Variants in C12orf42 observed in about 807,000 individuals in gnomAD.
The protein encoded by C12orf42 is chromosome 12 open reading frame 42, also known as uncharacterized protein C12orf42.
C12orf42 carries 25 observed loss-of-function variants against 21.6 expected under a neutral mutation model. That is an observed-to-expected ratio of 1.16 (90% CI 0.84 to 1.62). The LOEUF (loss-of-function observed/expected upper bound fraction) is 1.62. C12orf42 is among the 40% of genes most tolerant of loss of function. The pLI is 0.00. For missense variants in C12orf42, 483 were observed against 459.3 expected (o/e 1.05, Z -0.47); for synonymous variants, 174 against 175.0 (o/e 0.99, Z 0.05).
At chr12:103,102,705 A>G in the C12orf42 span, among the ~76,000 whole-genome samples, 1 of 152,238 alleles carries the variant, frequency 6.6e-6, no homozygotes, top group African/African-American at 2.4e-5. Flanking sequence ...CAAATTTAGC[A>G]GCTTAAAACA....
At chr12:103,320,848 C>T (rs1313028214) in intron 4 of C12orf42, among the ~76,000 whole-genome samples, 2 of 152,076 alleles carry the variant, frequency 1.3e-5, no homozygotes, top group Non-Finnish European at 2.9e-5. Context: ...TTGCTGTATC[C>T]TCATTGGACA....
At chr12:103,224,314 A>G in the C12orf42 span, among the ~76,000 whole-genome samples, 2 of 152,172 alleles carry the variant, frequency 1.3e-5, no homozygotes, top group African/African-American at 4.8e-5. Context: ...TATTTCCTTG[A>G]GGATAGATTT....
the C12orf42 span, among the ~76,000 whole-genome samples, chr12:103,139,597 A>AAAAG: frequency 0.015 from 2,300 of 152,116 alleles, 53 homozygotes; most frequent in African/African-American, 0.045. Context: ...ATCTCTTTAA[A>AAAAG]AAAGAAAGAA....
intron 2 of C12orf42, among the ~76,000 whole-genome samples, chr12:103,424,556 C>T (rs1404343108): frequency 6.6e-6 from 1 of 152,164 alleles, no homozygotes; most frequent in African/African-American, 2.4e-5. Context: ...ACACCTCACC[C>T]GGGAAGTGCA....
chr12:103,544,911 C>T, the C12orf42 span, among the ~76,000 whole-genome samples: 1 of 152,156 alleles, frequency 6.6e-6, no homozygotes, highest in Admixed American at 6.5e-5. Flanking sequence ...CACGCTCAAC[C>T]TGTGCAGGAC....
chr12:103,168,514 A>T, the C12orf42 span, among the ~76,000 whole-genome samples: 4 of 152,174 alleles, frequency 2.6e-5, no homozygotes, highest in Non-Finnish European at 4.4e-5. Flanking sequence ...GCTTACACTT[A>T]CATGAAAAAT....
At chr12:103,417,508 A>T (rs2049462370) in intron 2 of C12orf42, among the ~76,000 whole-genome samples, 1 of 152,104 alleles carries the variant, frequency 6.6e-6, no homozygotes, top group Admixed American at 6.6e-5. Context: ...ACCTTTTCAC[A>T]CACCTCATTG....
the C12orf42 span, among the ~76,000 whole-genome samples, chr12:103,520,915 C>T: frequency 2.6e-5 from 4 of 152,196 alleles, no homozygotes; most frequent in African/African-American, 9.7e-5. Context: ...ATTGTGAAGC[C>T]TTCCCCCAAA....
the C12orf42 span, among the ~76,000 whole-genome samples, chr12:103,088,758 C>T: frequency 3.3e-5 from 5 of 152,192 alleles, no homozygotes; most frequent in African/African-American, 7.2e-5. Flanking sequence ...AGTCACCATG[C>T]TGTGAGGACA....
the C12orf42 span, among the ~76,000 whole-genome samples, chr12:103,522,930 C>G: frequency 1.8e-4 from 27 of 152,332 alleles, no homozygotes; most frequent in African/African-American, 6.5e-4. Context: ...AGCCTGGAAA[C>G]AAGTCCCATT....
chr12:103,226,934 C>T, the C12orf42 span, among the ~76,000 whole-genome samples: 6 of 152,150 alleles, frequency 3.9e-5, no homozygotes, highest in African/African-American at 9.7e-5. Context: ...GACCATTTGC[C>T]TATTTTACAA....
At chr12:103,141,689 C>T in the C12orf42 span, among the ~76,000 whole-genome samples, 10 of 152,152 alleles carry the variant, frequency 6.6e-5, no homozygotes, top group South Asian at 2.1e-3. Flanking sequence ...ACCACCACAC[C>T]CAGCTAATTT....
intron 2 of C12orf42, among the ~76,000 whole-genome samples, chr12:103,427,909 A>T (rs1949968936): frequency 6.6e-6 from 1 of 152,204 alleles, no homozygotes. Flanking sequence ...AGAAGTAAGT[A>T]AGTTCTTTGA....
chr12:103,278,295 C>A (rs964110137), intron 4 of C12orf42, among the ~76,000 whole-genome samples: 22 of 152,090 alleles, frequency 1.4e-4, no homozygotes, highest in Non-Finnish European at 2.9e-5. Context: ...TCAAAAGATG[C>A]TTTTAGAAAT....
the C12orf42 span, among the ~76,000 whole-genome samples, chr12:103,143,141 A>G: frequency 6.6e-6 from 1 of 152,224 alleles, no homozygotes; most frequent in Non-Finnish European, 1.5e-5. Flanking sequence ...ATGGGAAAGT[A>G]CTTAAGCAAC....
At chr12:103,096,123 G>T in the C12orf42 span, among the ~76,000 whole-genome samples, 2 of 152,076 alleles carry the variant, frequency 1.3e-5, no homozygotes, top group Non-Finnish European at 2.9e-5. Flanking sequence ...CGTTTCTTTT[G>T]CTAATCTATT....
intron 4 of C12orf42, chr12:103,349,394 T>A (rs1004522250): frequency 6.6e-6 from 1 of 152,090 alleles, no homozygotes; most frequent in Middle Eastern, 3.2e-3. Context: ...ACCTAGGAAA[T>A]TTCGGAGTTC....
At chr12:103,550,557 T>C in the C12orf42 span, 3 of 152,158 alleles carry the variant, frequency 2.0e-5, no homozygotes, top group Non-Finnish European at 2.9e-5. Context: ...TGCTGATGAA[T>C]TGGATTCCAA....
chr12:103,482,325 G>C (rs1954530579), intron 1 of C12orf42, among the ~76,000 whole-genome samples: 1 of 152,028 alleles, frequency 6.6e-6, no homozygotes, highest in African/African-American at 2.4e-5. Flanking sequence ...TGGGTGTGCA[G>C]TTCTAGGTTG....
Sources: allele counts gnomAD v4.1 joint callset (sites outside exome capture counted in the v4.1 genomes callset), GRCh38; gene constraint gnomAD v4.1.1; transcripts MANE v1.5; gene names NCBI Gene and HGNC (gene_info 2026-07-23, HGNC 2026-07-21).